Variants in DNAI7 observed in about 807,000 individuals in gnomAD.
DNAI7 encodes the protein cancer susceptibility 1.
A neutral mutation model predicts 86.6 loss-of-function variants in DNAI7; 78 were observed. The observed-to-expected ratio is 0.90, with a 90% CI of 0.75 to 1.09. The LOEUF is 1.09. DNAI7 is among the 50% of genes least tolerant of loss of function. The pLI, the probability that DNAI7 is intolerant of heterozygous loss-of-function variation, is 0.00. For synonymous variants in DNAI7, 274 were observed against 273.0 expected, an observed-to-expected ratio of 1.00 and a Z score of -0.04; for missense variants, 753 against 810.2, an observed-to-expected ratio of 0.93 and a Z score of 0.86.
chr12:25,154,461 G>T lies in DNAI7; in HGVS notation c.301-5C>A. ...ACATTGAATGTAGTGCTTCCACTGTGGAATAAAAATGTTTAAAGGTTCACA... is the reference window on the plus strand; with the variant it reads ...ACATTGAATGTAGTGCTTCCACTGTTGAATAAAAATGTTTAAAGGTTCACA... On this transcript the variant is annotated splice_polypyrimidine_tract_variant and splice_region_variant and intron_variant, in intron 5 of 15. Coordinates refer to ENST00000395987, the MANE Select transcript of DNAI7 (RefSeq NM_018272.5). 6.3e-7 allele frequency: 1 copy of T among 1,599,474 alleles called. No individual in the cohort carries two copies. Among genetic ancestry groups the T allele is most frequent in the Non-Finnish European group, 8.5e-7 (1 of 1,176,624 alleles).
At chr12:25,145,282 C>T (rs1215937780) in intron 8 of DNAI7, among the ~76,000 whole-genome samples, 2 of 152,158 alleles carry the variant, frequency 1.3e-5, no homozygotes, top group African/African-American at 4.8e-5. Context: ...GTGCCTTCAG[C>T]CAGTTGCACT....
intron 12 of DNAI7, among the ~76,000 whole-genome samples, chr12:25,116,545 G>A (rs1417215345): frequency 2.6e-5 from 4 of 151,812 alleles, no homozygotes; most frequent in African/African-American, 9.7e-5. Context: ...TGTCACCCAG[G>A]CTGGAGTAAA....
intron 12 of DNAI7, among the ~76,000 whole-genome samples, chr12:25,117,021 C>A (rs376580181): frequency 1.3e-5 from 2 of 152,234 alleles, no homozygotes; most frequent in South Asian, 2.1e-4. Context: ...GCAGCCTCAA[C>A]CTGCTGGGCT....
intron 9 of DNAI7, among the ~76,000 whole-genome samples, chr12:25,131,707 T>C (rs1206601046): frequency 6.6e-6 from 1 of 152,140 alleles, no homozygotes. Flanking sequence ...TTGAGGAGCA[T>C]AGTGGTTGGA....
Position 25,140,756 on chromosome 12 carries a change from C to T in DNAI7, c.1002+3609G>A, listed in dbSNP as rs184897384. Among the ~76,000 whole-genome samples, 185 of 151,958 alleles carry T rather than the reference C, an allele frequency of 1.2e-3. 1 individual carries two copies. Among genetic ancestry groups the T allele is most frequent in the African/African-American group, 4.2e-3 (174 of 41,492 alleles). ...CAAAAAAGAGCCCACATAGCCAAAC[C>T]AAGCTAAGCAAAAAGAACAAATCTG... On this transcript the variant is annotated intron_variant, in intron 9 of 15. Transcript: ENST00000395987.
intron 6 of DNAI7, among the ~76,000 whole-genome samples, chr12:25,153,407 C>A (rs770627704): frequency 4.6e-5 from 7 of 151,948 alleles, no homozygotes; most frequent in Non-Finnish European, 1.0e-4. Flanking sequence ...GGTGACAGAG[C>A]GAGATGCCGT....
intron 9 of DNAI7, among the ~76,000 whole-genome samples, chr12:25,123,950 A>T (rs1305968096): frequency 2.0e-5 from 3 of 152,036 alleles, no homozygotes; most frequent in Non-Finnish European, 4.4e-5. Context: ...TAACTGTTTT[A>T]AGGGTCAAAT....
intron 9 of DNAI7, among the ~76,000 whole-genome samples, chr12:25,134,587 C>A (rs1943324422): frequency 6.6e-6 from 1 of 152,032 alleles, no homozygotes; most frequent in African/African-American, 2.4e-5. Flanking sequence ...AAACTCCTGA[C>A]CTCAGGTGAC....
At chr12:25,170,174 T>G (rs536241166) in intron 2 of DNAI7, among the ~76,000 whole-genome samples, 1 of 152,172 alleles carries the variant, frequency 6.6e-6, no homozygotes, top group African/African-American at 2.4e-5. Context: ...GTGAATCACC[T>G]GAGGTCAGGA....
chr12:25,141,648 G>A lies in DNAI7; in HGVS notation c.1002+2717C>T, dbSNP rs189469445. Among the ~76,000 whole-genome samples, 205 of 152,238 alleles carry A rather than the reference G, an allele frequency of 1.3e-3. 1 individual carries two copies. The highest frequency in any genetic ancestry group is 4.8e-3 in the African/African-American group (199 of 41,524). On this transcript the variant is annotated intron_variant, in intron 9 of 15. Coordinates refer to ENST00000395987, the MANE Select transcript of DNAI7 (RefSeq NM_018272.5). ...GATTGAGACCATCCTGGCTAACATGGTGAAACCCTGTATCTACTAAAAATA... is the reference window on the plus strand; with the variant it reads ...GATTGAGACCATCCTGGCTAACATGATGAAACCCTGTATCTACTAAAAATA...
intron 1 of DNAI7, among the ~76,000 whole-genome samples, chr12:25,192,089 T>G (rs1360953357): frequency 6.6e-6 from 1 of 152,256 alleles, no homozygotes; most frequent in Non-Finnish European, 1.5e-5. Flanking sequence ...ATTAATGATT[T>G]ACACACAAGG....
chr12:25,140,000 T>C (rs895668937), intron 9 of DNAI7, among the ~76,000 whole-genome samples: 9 of 152,168 alleles, frequency 5.9e-5, no homozygotes, highest in African/African-American at 2.2e-4. Context: ...AGCATCTCTT[T>C]ATGATTACAA....
In DNAI7 at chr12:25,176,954, G is replaced by A. The variant is rs985985713; in HGVS notation, c.21+13660C>T. ...GTCTCACTCTGTCACCCAGGTTGGAGTGCAGTGGTGCGATCTCGGCTCACT... is the reference window on the plus strand; with the variant it reads ...GTCTCACTCTGTCACCCAGGTTGGAATGCAGTGGTGCGATCTCGGCTCACT... On this transcript the variant is annotated intron_variant, in intron 2 of 15. Transcript: ENST00000395987. Among the ~76,000 whole-genome samples, 11 of 144,098 alleles carry A rather than the reference G, an allele frequency of 7.6e-5. No homozygotes were observed. In the Admixed American group the frequency reaches 7.8e-4, roughly 10 times the overall value. 94.5% of individuals were successfully genotyped at this position (144,098 alleles called of 152,430 possible). A position where few individuals can be genotyped will look rare whatever the true frequency, so the allele number is the denominator to read the frequency against.
intron 9 of DNAI7, among the ~76,000 whole-genome samples, chr12:25,133,424 C>T (rs73067299): frequency 0.017 from 2,608 of 152,280 alleles, 43 homozygotes; most frequent in South Asian, 0.068. Context: ...GCAGTCTACT[C>T]ACACCTACGA....
intron 8 of DNAI7, among the ~76,000 whole-genome samples, chr12:25,145,608 G>A (rs1425406173): frequency 6.6e-6 from 1 of 152,026 alleles, no homozygotes. Context: ...GTTTTTCATA[G>A]CAAATGGAAG....
intron 9 of DNAI7, among the ~76,000 whole-genome samples, chr12:25,128,452 A>T (rs1942435573): frequency 6.6e-6 from 1 of 152,184 alleles, no homozygotes; most frequent in African/African-American, 2.4e-5. Context: ...GGTCACACAC[A>T]TTGTACCGCT....
At chr12:25,194,850 A>T in intron 1 of DNAI7, 1 of 1,604,020 alleles carries the variant, frequency 6.2e-7, no homozygotes, top group Admixed American at 1.7e-5. Context: ...AGCTTTGACC[A>T]TCTCCCGTTT....
In DNAI7 at chr12:25,154,382, C is replaced by T; in HGVS notation, c.375G>A (p.Leu125=). 6.2e-7 allele frequency: 1 copy of T among 1,611,804 alleles called. No individual in the cohort carries two copies. The highest frequency in any genetic ancestry group is 8.5e-7 in the Non-Finnish European group (1 of 1,179,332). Residue 125 remains leucine, a synonymous_variant, in exon 6 of 16, where the codon TTG becomes TTA. Transcript: ENST00000395987. The stretch of plus-strand genomic sequence containing the variant: ...AAGTCTCATTTGTTTTCTCTTTCCA[C>T]AAACTAATAAACGTGTTCATTTCTT... ...VAQEMNTFIS[L]WKEKTNETFE... is the part of the protein sequence containing the mutation.
intron 9 of DNAI7, among the ~76,000 whole-genome samples, chr12:25,130,919 G>A (rs1231531682): frequency 6.6e-6 from 1 of 152,018 alleles, no homozygotes; most frequent in Non-Finnish European, 1.5e-5. Flanking sequence ...TCATGAAAAA[G>A]AAAATGTGTA....
Sources: allele counts gnomAD v4.1 joint callset (sites outside exome capture counted in the v4.1 genomes callset), GRCh38; gene constraint gnomAD v4.1.1; transcripts MANE v1.5; gene names NCBI Gene and HGNC (gene_info 2026-07-23, HGNC 2026-07-21).